The following ANXA10 variants were observed in gnomAD, a reference collection of about 807,000 sequenced individuals.
ANXA10 encodes annexin 14.
In ANXA10, 49 loss-of-function variants were observed where a neutral mutation model predicts 53.5. The ratio of observed to expected loss-of-function variants is 0.92; its 90% CI spans 0.73 to 1.16. The LOEUF (loss-of-function observed/expected upper bound fraction) is 1.16. ANXA10 is among the 50% of genes most tolerant of loss of function. The pLI, the probability that ANXA10 is intolerant of heterozygous loss-of-function variation, is 0.00. For missense variants in ANXA10, 393 were observed against 394.4 expected (o/e 1.00, Z 0.03); for synonymous variants, 131 against 128.9 (o/e 1.02, Z -0.11).
intron 1 of ANXA10, among the ~76,000 whole-genome samples, chr4:168,110,140 G>A (rs952259198): frequency 3.9e-5 from 6 of 152,224 alleles, no homozygotes; most frequent in Non-Finnish European, 7.3e-5. Context: ...GAACCCGGAA[G>A]TTGGAGCTTG....
intron 1 of ANXA10, among the ~76,000 whole-genome samples, chr4:168,115,689 A>G (rs1156249212): frequency 2.0e-5 from 3 of 152,170 alleles, no homozygotes; most frequent in African/African-American, 7.2e-5. Context: ...ATTTTACACA[A>G]ATTACAGCTA....
chr4:168,177,344 G>T (rs1211089231), intron 6 of ANXA10, among the ~76,000 whole-genome samples: 1 of 152,106 alleles, frequency 6.6e-6, no homozygotes, highest in African/African-American at 2.4e-5. Context: ...AAATCCTATT[G>T]TGCAAGTCAG....
At chr4:168,156,108 T>TATAATATATATTATATATCAA (rs1553957710) in intron 3 of ANXA10, among the ~76,000 whole-genome samples, 1 of 41,372 alleles carries the variant, frequency 2.4e-5, no homozygotes. Context: ...TATATAAATA[T>TATAATATATATTATATATCAA]TATATTTATT....
At chr4:168,153,733 C>A (rs1032870348) in intron 3 of ANXA10, among the ~76,000 whole-genome samples, 2 of 151,938 alleles carry the variant, frequency 1.3e-5, no homozygotes, top group Non-Finnish European at 2.9e-5. Flanking sequence ...ACATTTATAT[C>A]AACTCTGCGA....
intron 1 of ANXA10, among the ~76,000 whole-genome samples, chr4:168,093,262 C>T (rs532782643): frequency 6.6e-6 from 1 of 152,000 alleles, no homozygotes; most frequent in East Asian, 1.9e-4. Flanking sequence ...TCCATGCTTT[C>T]TGTAAAAGAT....
In ANXA10 at chr4:168,165,670, ATTTCTTTC is replaced by A. The variant is rs145800072; in HGVS notation, c.480+360_480+367del. Among the ~76,000 whole-genome samples the A allele has an allele frequency of 8.8e-3, 1,337 of 152,030 alleles. 15 individuals carry two copies. The highest frequency in any genetic ancestry group is 0.031 in the African/African-American group (1,276 of 41,522). On this transcript the variant is annotated intron_variant, in intron 6 of 11. Coordinates refer to ENST00000359299, the MANE Select transcript of ANXA10 (RefSeq NM_007193.5). ...AAATTAATAATTCTAATTAGAAATA[ATTTCTTTC>A]TTTCTTTCTTTCTTTTTTGAGACAG... is the stretch of plus-strand genomic sequence containing the variant.
intron 1 of ANXA10, among the ~76,000 whole-genome samples, chr4:168,126,629 C>G (rs369673754): frequency 1.3e-5 from 2 of 152,092 alleles, no homozygotes; most frequent in Non-Finnish European, 2.9e-5. Context: ...CTCTTCCCCC[C>G]ACACCTTCTT....
chr4:168,105,586 A>T (rs115254202), intron 1 of ANXA10, among the ~76,000 whole-genome samples: 3,605 of 152,144 alleles, frequency 0.024, 137 homozygotes, highest in African/African-American at 0.078. Context: ...ATAAACATGC[A>T]TTTGTCTTTA....
intron 2 of ANXA10, among the ~76,000 whole-genome samples, chr4:168,133,650 A>T (rs530264128): frequency 1.3e-5 from 2 of 152,244 alleles, no homozygotes; most frequent in Admixed American, 6.5e-5. Flanking sequence ...TCATAAGGAC[A>T]TTGGCAAACA....
At chr4:168,103,632 A>C (rs1730674677) in intron 1 of ANXA10, among the ~76,000 whole-genome samples, 1 of 151,874 alleles carries the variant, frequency 6.6e-6, no homozygotes, top group African/African-American at 2.4e-5. Context: ...AAATTGTTTC[A>C]GCTATTCTAG....
chr4:168,131,520 C>T (rs1731156645), intron 2 of ANXA10, among the ~76,000 whole-genome samples: 1 of 151,922 alleles, frequency 6.6e-6, no homozygotes, highest in Admixed American at 6.6e-5. Context: ...CAATGATACC[C>T]TCACTGGTTT....
At chr4:168,137,219 T>C (rs796355941) in intron 2 of ANXA10, among the ~76,000 whole-genome samples, 6 of 152,340 alleles carry the variant, frequency 3.9e-5, no homozygotes, top group African/African-American at 9.6e-5. Flanking sequence ...TAAGAGCTGA[T>C]TGAAGAGACA....
intron 1 of ANXA10, among the ~76,000 whole-genome samples, chr4:168,106,207 T>C (rs966776545): frequency 6.6e-6 from 1 of 152,030 alleles, no homozygotes; most frequent in East Asian, 1.9e-4. Flanking sequence ...TTCCTATTAC[T>C]TGGGTACTTT....
In ANXA10 at chr4:168,187,597, A is replaced by T. The variant is rs1732395921; in HGVS notation, c.*163A>T. The T allele has an allele frequency of 2.3e-6, 1 of 435,432 alleles. No homozygotes were observed. The highest frequency in any genetic ancestry group is 4.1e-6 in the Non-Finnish European group (1 of 245,722). The allele number at this position is 435,432 out of a possible 1,614,324, so 27.0% of individuals were successfully genotyped here. On this transcript the variant is annotated 3_prime_UTR_variant, in exon 12 of 12. Coordinates refer to ENST00000359299, the MANE Select transcript of ANXA10 (RefSeq NM_007193.5). ...TCTAAGCCAAAGAAAACTATGAATGAAAGTATATGATACTGAATTTGCCTA... is the reference window on the plus strand; with the variant it reads ...TCTAAGCCAAAGAAAACTATGAATGTAAGTATATGATACTGAATTTGCCTA...
At chr4:168,181,167 G>T (rs1248255272) in intron 9 of ANXA10, among the ~76,000 whole-genome samples, 1 of 151,910 alleles carries the variant, frequency 6.6e-6, no homozygotes, top group South Asian at 2.1e-4. Context: ...AGAGGCGGGC[G>T]GATCATGAGG....
At chr4:168,133,928 G>A (rs1028004904) in intron 2 of ANXA10, among the ~76,000 whole-genome samples, 6 of 151,426 alleles carry the variant, frequency 4.0e-5, no homozygotes, top group African/African-American at 1.5e-4. Context: ...AAAGCACTAG[G>A]AGAAGAAGGA....
Position 168,182,479 on chromosome 4 carries a change from C to T in ANXA10, c.783+738C>T, listed in dbSNP as rs1185915288. ...CCAAGTAGCTGGGACTACAGGTACCCGCCACCACACCCGGCTAATTTTGTT... is the reference window on the plus strand; with the variant it reads ...CCAAGTAGCTGGGACTACAGGTACCTGCCACCACACCCGGCTAATTTTGTT... On this transcript the variant is annotated intron_variant, in intron 10 of 11. Transcript: ENST00000359299. 3.4e-5 allele frequency among the ~76,000 whole-genome samples: 5 copies of T among 149,062 alleles called. No homozygotes were observed. In the East Asian group the frequency reaches 8.1e-4, roughly 24 times the overall value.
At chr4:168,172,148 C>T (rs942936345) in intron 6 of ANXA10, among the ~76,000 whole-genome samples, 5 of 152,182 alleles carry the variant, frequency 3.3e-5, no homozygotes, top group African/African-American at 4.8e-5. Flanking sequence ...ATTAAACATA[C>T]CATGTGGCCG....
intron 1 of ANXA10, among the ~76,000 whole-genome samples, chr4:168,109,589 CCT>C (rs1467404090): frequency 6.6e-6 from 1 of 151,870 alleles, no homozygotes; most frequent in Non-Finnish European, 1.5e-5. Flanking sequence ...AATTTCATTC[CCT>C]CTTTAGGCAA....
Sources: gnomAD v4.1 joint callset for allele counts (sites outside exome capture counted in the v4.1 genomes callset) on GRCh38, gnomAD v4.1.1 for gene constraint, MANE v1.5 for transcripts, NCBI Gene and HGNC (gene_info 2026-07-23, HGNC 2026-07-21) for gene names.